Variants in SRP72 observed in about 807,000 individuals in gnomAD.
SRP72 encodes signal recognition particle 72.
Under a neutral mutation model 96.3 loss-of-function variants are expected in SRP72, and 49 were observed. The ratio of observed to expected loss-of-function variants is 0.51; its 90% CI spans 0.40 to 0.65. The LOEUF (loss-of-function observed/expected upper bound fraction) is 0.65, where lower values mean the gene tolerates loss of function less well. Ranked by LOEUF, SRP72 falls within the 30% of genes least tolerant of loss-of-function variation. The pLI, the probability that SRP72 is intolerant of heterozygous loss-of-function variation, is 0.00. For missense variants in SRP72, 736 were observed against 793.3 expected (o/e 0.93, Z 0.87); for synonymous variants, 267 against 275.2 (o/e 0.97, Z 0.30).
chr4:56,480,420 C>T (rs918301308), intron 8 of SRP72, among the ~76,000 whole-genome samples: 5 of 152,198 alleles, frequency 3.3e-5, no homozygotes, highest in Admixed American at 6.5e-5. Flanking sequence ...CCACCACACC[C>T]GGCTAATTTT....
rs770437958 is a variant in SRP72, at chr4:56,501,920, A to G, written c.*59A>G. On this transcript the variant is annotated 3_prime_UTR_variant, in exon 19 of 19. Transcript: ENST00000642900. ...TAGTGTCAGTGACACTAGGAATATA[A>G]TAAAGGTAACACAGCAAGAAGCACA... The G allele has an allele frequency of 2.2e-5, 35 of 1,555,584 alleles. 1 individual carries two copies. Among genetic ancestry groups the G allele is most frequent in the Non-Finnish European group, 8.9e-7 (1 of 1,129,050 alleles).
intron 16 of SRP72, among the ~76,000 whole-genome samples, chr4:56,493,228 G>T (rs1720969417): frequency 6.6e-6 from 1 of 151,714 alleles, no homozygotes; most frequent in Admixed American, 6.6e-5. Flanking sequence ...AGTAGACAGG[G>T]TTTCACCATG....
At chr4:56,477,259 A>G (rs927131648) in intron 6 of SRP72, 2 of 147,242 alleles carry the variant, frequency 1.4e-5, no homozygotes, top group Non-Finnish European at 1.5e-5. Context: ...TTACATTGAA[A>G]TATGTCTCTT....
chr4:56,484,532 A>G (rs1303163366), intron 9 of SRP72, among the ~76,000 whole-genome samples: 1 of 152,230 alleles, frequency 6.6e-6, no homozygotes, highest in Admixed American at 6.5e-5. Context: ...CTTAGAGCTC[A>G]TAGATTAAAT....
In SRP72 at chr4:56,502,044, G is replaced by C; in HGVS notation, c.*183G>C. 1.6e-6 allele frequency: 1 copy of C among 638,150 alleles called. No homozygotes were observed. Among genetic ancestry groups the C allele is most frequent in the Middle Eastern group, 2.7e-4 (1 of 3,726 alleles). 39.5% of individuals were successfully genotyped at this position (638,150 alleles called of 1,614,324 possible). A position where few individuals can be genotyped will look rare whatever the true frequency, so the allele number is the denominator to read the frequency against. On this transcript the variant is annotated 3_prime_UTR_variant, in exon 19 of 19. Transcript: ENST00000642900. ...CTGCCTAGTGAGATATGGCCTACTGGTTGCCTCATAGCTTTGTACAGATTA... is the reference window on the plus strand; with the variant it reads ...CTGCCTAGTGAGATATGGCCTACTGCTTGCCTCATAGCTTTGTACAGATTA...
At position 56,490,644 on chromosome 4, in the gene SRP72, G is replaced by A; in HGVS notation, c.1501G>A (p.Ala501Thr). 1 of 1,613,192 alleles carries A rather than the reference G, an allele frequency of 6.2e-7. No individual in the cohort carries two copies. ...ACTTGTAGATCCAGAGAAAGCCAAA[G>A]CGTATCCTTTTGATTGTTATTCCTT... Reference protein sequence around the residue: ...YSLVDPEKAKALSKHLPSSDS... With the variant: ...YSLVDPEKAKTLSKHLPSSDS... The change falls in exon 15 of 19, where the codon GCT becomes ACT. Residue 501 changes from alanine to threonine, a missense_variant and splice_region_variant. Ala to Thr is a moderately conservative substitution (Grantham distance 58, BLOSUM62 0). Transcript: ENST00000642900.
intron 6 of SRP72, chr4:56,477,138 T>A (rs1720260335): frequency 1.3e-5 from 2 of 151,526 alleles, no homozygotes; most frequent in South Asian, 4.2e-4. Flanking sequence ...GTTTTTTTTT[T>A]GTTGTTTGTT....
intron 5 of SRP72, among the ~76,000 whole-genome samples, chr4:56,475,405 T>A (rs200062674): frequency 6.8e-6 from 1 of 146,340 alleles, no homozygotes; most frequent in Non-Finnish European, 1.5e-5. Context: ...AAAAAAAAAA[T>A]ATATATGTGG....
intron 9 of SRP72, 119 bp from the exon 10 acceptor site, chr4:56,484,617 C>A: frequency 1.6e-6 from 2 of 1,284,268 alleles, no homozygotes; most frequent in Non-Finnish European, 2.2e-6. Context: ...TTACCCTAGG[C>A]AGTTCTTTGG....
intron 8 of SRP72, among the ~76,000 whole-genome samples, chr4:56,481,768 CTT>C (rs71194110): frequency 0.011 from 1,403 of 122,556 alleles, 23 homozygotes; most frequent in African/African-American, 0.038. Context: ...CTGTTGGCTC[CTT>C]TTTTTTTTTT....
chr4:56,492,039 C>CTT (rs1720927061), intron 16 of SRP72, among the ~76,000 whole-genome samples: 1 of 152,100 alleles, frequency 6.6e-6, no homozygotes, highest in Admixed American at 6.6e-5. Context: ...GGGTTTCACC[C>CTT]TTTTGACCAG....
intron 2 of SRP72, 64 bp from the exon 3 acceptor site, chr4:56,471,656 G>C: frequency 6.3e-7 from 1 of 1,576,604 alleles, no homozygotes; most frequent in Non-Finnish European, 8.6e-7. Flanking sequence ...GAGTGGTGTT[G>C]TATATAATGG....
chr4:56,495,205 A>G (rs753062320), intron 16 of SRP72, 152 bp from the exon 17 acceptor site: 6 of 451,220 alleles, frequency 1.3e-5, no homozygotes, highest in Admixed American at 4.1e-5. Context: ...ACCTGAATCA[A>G]ATCTTAACTA....
chr4:56,496,018 A>T (rs532361842), intron 17 of SRP72, among the ~76,000 whole-genome samples: 1 of 152,300 alleles, frequency 6.6e-6, no homozygotes, highest in East Asian at 1.9e-4. Context: ...TTTCTCATTA[A>T]TCTGATTGGG....
At chr4:56,485,334 C>G (rs1463222484) in intron 10 of SRP72, among the ~76,000 whole-genome samples, 1 of 150,110 alleles carries the variant, frequency 6.7e-6, no homozygotes, top group Non-Finnish European at 1.5e-5. Context: ...TTAGGATCAT[C>G]CTGACAGACA....
Position 56,502,484 on chromosome 4 carries a change from TA to T in SRP72, c.*624del, listed in dbSNP as rs1721298011. 1 of 100,706 alleles carries T rather than the reference TA, an allele frequency of 9.9e-6. No individual in the cohort carries two copies. The highest frequency in any genetic ancestry group is 1.9e-5 in the Non-Finnish European group (1 of 54,026). 6.2% of individuals were successfully genotyped at this position (100,706 alleles called of 1,614,324 possible). ...TCATGTTTATATATATATATATATG[TA>T]TATATATATACATATATATATATAT... On this transcript the variant is annotated 3_prime_UTR_variant, in exon 19 of 19. Coordinates refer to ENST00000642900, the MANE Select transcript of SRP72 (RefSeq NM_006947.4).
intron 5 of SRP72, 133 bp downstream of exon 5, chr4:56,474,524 C>T (rs1720129424): frequency 2.5e-6 from 2 of 790,300 alleles, no homozygotes; most frequent in South Asian, 3.7e-5. Context: ...TCTCCAAGTT[C>T]CTGTCGTCTT....
intron 2 of SRP72, among the ~76,000 whole-genome samples, chr4:56,470,701 G>T (rs1353674373): frequency 6.6e-6 from 1 of 152,136 alleles, no homozygotes; most frequent in African/African-American, 2.4e-5. Flanking sequence ...AAATAAAAGG[G>T]AAATAGAGGC....
intron 3 of SRP72, among the ~76,000 whole-genome samples, chr4:56,472,843 A>G (rs1720033352): frequency 6.6e-6 from 1 of 152,184 alleles, no homozygotes; most frequent in Non-Finnish European, 1.5e-5. Context: ...TTTGAGGTTA[A>G]GGACATCAGC....
Sources: gnomAD v4.1 joint callset for allele counts (sites outside exome capture counted in the v4.1 genomes callset) on GRCh38, gnomAD v4.1.1 for gene constraint, MANE v1.5 for transcripts, NCBI Gene and HGNC (gene_info 2026-07-23, HGNC 2026-07-21) for gene names.